The following ELOVL6 variants were observed in gnomAD, a reference collection of about 807,000 sequenced individuals.
The protein encoded by ELOVL6 is very long chain fatty acid elongase 6.
In ELOVL6, 8 loss-of-function variants were observed where a neutral mutation model predicts 31.7. That is an observed-to-expected ratio of 0.25 (90% CI 0.15 to 0.45). ELOVL6 has a LOEUF of 0.45. Among genes scored for constraint, ELOVL6 ranks in the 20% least tolerant of loss-of-function variants. ELOVL6 has a pLI of 1.00. For missense variants in ELOVL6, 126 were observed against 326.4 expected, an observed-to-expected ratio of 0.39 and a Z score of 4.73; for synonymous variants, 101 against 117.7, an observed-to-expected ratio of 0.86 and a Z score of 0.92.
chr4:110,105,686 T>G lies in ELOVL6; in HGVS notation c.90-58A>C, dbSNP rs1578484194. 7.3e-6 allele frequency: 11 copies of G among 1,511,210 alleles called. No individual in the cohort carries two copies. The East Asian group carries it at 2.3e-4, about 32-fold the overall frequency. The allele number at this position is 1,511,210 out of a possible 1,614,324, so 93.6% of individuals were successfully genotyped here. On this transcript the variant is annotated intron_variant, in intron 1 of 3. Transcript: ENST00000302274. ...TTTTAGTCATTAGGAAACACCAAAT[T>G]TTGTACCAGTTCTCCTCTTTGTAAG...
At chr4:110,147,050 A>C (rs533433043) in intron 1 of ELOVL6, 1 of 152,268 alleles carries the variant, frequency 6.6e-6, no homozygotes, top group South Asian at 2.1e-4. Context: ...TTCTCTGGTC[A>C]TTAAACATAT....
At chr4:110,094,446 A>ATATATATATATATATAT (rs1756520771) in intron 2 of ELOVL6, among the ~76,000 whole-genome samples, 1 of 13,600 alleles carries the variant, frequency 7.4e-5, no homozygotes, top group Non-Finnish European at 1.8e-4. Flanking sequence ...TATATATAAT[A>ATATATATATATATATAT]TATATAACAT....
rs201067079 is a variant in ELOVL6, at chr4:110,065,878, A to T, written c.222-6124T>A. Among the ~76,000 whole-genome samples, 138 of 152,246 alleles carry T rather than the reference A, an allele frequency of 9.1e-4. 4 individuals are homozygous for T. In the South Asian group the frequency reaches 0.012, roughly 14 times the overall value. On this transcript the variant is annotated intron_variant, in intron 2 of 3. Transcript: ENST00000302274. ...ACATCAATAGTTGATTTAAAAAAAA[A>T]TTTTTACATTGTTCCCTTATTGATC...
intron 2 of ELOVL6, among the ~76,000 whole-genome samples, chr4:110,099,928 A>G (rs190886302): frequency 5.3e-4 from 81 of 152,372 alleles, no homozygotes; most frequent in African/African-American, 1.8e-3. Context: ...TGGATAACTT[A>G]GCCAAATCTA....
intron 1 of ELOVL6, among the ~76,000 whole-genome samples, chr4:110,143,195 G>C (rs1057493720): frequency 6.6e-6 from 1 of 151,670 alleles, no homozygotes; most frequent in Non-Finnish European, 1.5e-5. Context: ...GACGTTGCTA[G>C]TAGTGGCATA....
At chr4:110,143,870 A>C (rs1394710554) in intron 1 of ELOVL6, among the ~76,000 whole-genome samples, 1 of 152,068 alleles carries the variant, frequency 6.6e-6, no homozygotes, top group African/African-American at 2.4e-5. Flanking sequence ...AGCCTGACCA[A>C]CATAGAGAAA....
At chr4:110,084,360 C>A (rs1420707065) in intron 2 of ELOVL6, among the ~76,000 whole-genome samples, 1 of 80,252 alleles carries the variant, frequency 1.2e-5, no homozygotes, top group Admixed American at 1.5e-4. Flanking sequence ...TGATATATAC[C>A]GCATATATGA....
At chr4:110,191,497 T>A (rs556717087) in intron 1 of ELOVL6, among the ~76,000 whole-genome samples, 2 of 152,298 alleles carry the variant, frequency 1.3e-5, no homozygotes, top group Admixed American at 6.5e-5. Flanking sequence ...TGATGTCTGG[T>A]TCCTATTAAT....
chr4:110,054,694 T>C (rs1353620074), intron 3 of ELOVL6, among the ~76,000 whole-genome samples: 1 of 152,134 alleles, frequency 6.6e-6, no homozygotes, highest in East Asian at 1.9e-4. Context: ...AGAAAAACCA[T>C]ATTAGAATGG....
At chr4:110,082,842 C>T (rs1302985043) in intron 2 of ELOVL6, among the ~76,000 whole-genome samples, 1 of 152,204 alleles carries the variant, frequency 6.6e-6, no homozygotes, top group Non-Finnish European at 1.5e-5. Flanking sequence ...TATGATAGGC[C>T]ATGTGTGTTT....
At chr4:110,193,550 G>A (rs1444953940) in intron 1 of ELOVL6, among the ~76,000 whole-genome samples, 5 of 152,126 alleles carry the variant, frequency 3.3e-5, no homozygotes, top group African/African-American at 1.2e-4. Context: ...GTTGCAGTGA[G>A]CCAAGATTGT....
intron 1 of ELOVL6, among the ~76,000 whole-genome samples, chr4:110,185,043 G>A (rs1474052297): frequency 6.6e-6 from 1 of 152,120 alleles, no homozygotes; most frequent in Non-Finnish European, 1.5e-5. Context: ...TTCAATACCT[G>A]GGTAAGGATC....
Position 110,198,310 on chromosome 4 carries a change from T to C in ELOVL6, c.26A>G (p.Gln9Arg). Residue 9 changes from glutamine (Q) to arginine (R), a missense_variant, in exon 1 of 4, where the codon CAA becomes CGA. By Grantham distance (43) the Gln-to-Arg change is conservative (BLOSUM62 1). Around this residue, in one of 3 missense-constraint regions of ELOVL6, gnomAD observed 16 missense variants for 22.8 expected, o/e 0.70. Transcript: ENST00000302274. ...GAACTGCTTTTCGAATTCATATTCT[T>C]GTAAAGTCAACACTGACATGTTCAT... MNMSVLTL[Q>R]EYEFEKQFNE... The C allele has an allele frequency of 6.2e-7, 1 of 1,611,108 alleles. No individual in the cohort carries two copies. The highest frequency in any genetic ancestry group is 8.5e-7 in the Non-Finnish European group (1 of 1,177,286).
At chr4:110,078,414 AAG>A (rs916357169) in intron 2 of ELOVL6, among the ~76,000 whole-genome samples, 1 of 152,308 alleles carries the variant, frequency 6.6e-6, no homozygotes, top group African/African-American at 2.4e-5. Context: ...TACAAGCCAG[AAG>A]AGAGTGGGGG....
At chr4:110,084,065 A>AGATATGC (rs1756021670) in intron 2 of ELOVL6, among the ~76,000 whole-genome samples, 1 of 37,612 alleles carries the variant, frequency 2.7e-5, no homozygotes, top group African/African-American at 1.4e-4. Flanking sequence ...ATGATATATA[A>AGATATGC]CATATATATG....
rs1447635957 is a variant in ELOVL6, at chr4:110,084,582, ATATATATTTTTTTTT to A, written c.221+20900_221+20914del. 1.2e-3 allele frequency among the ~76,000 whole-genome samples: 65 copies of A among 54,484 alleles called. No individual in the cohort carries two copies. The East Asian group carries it at 0.03, about 25-fold the overall frequency. The allele number at this position is 54,484 out of a possible 152,430, so 35.7% of individuals were successfully genotyped here. On this transcript the variant is annotated intron_variant, in intron 2 of 3. Transcript: ENST00000302274. ...CACACAGATATATATATATATATAT[ATATATATTTTTTTTT>A]TTTTTTTTTTTTTTTGAGATGGAGT...
rs369621024 is a variant in ELOVL6 at position 110,189,614 on chromosome 4, AGAG to A, written c.89+8630_89+8632del. 7.0e-3 allele frequency among the ~76,000 whole-genome samples: 802 copies of A among 115,120 alleles called. 16 individuals are homozygous for A. The highest frequency in any genetic ancestry group is 9.0e-3 in the Non-Finnish European group (520 of 57,956). The allele number at this position is 115,120 out of a possible 152,430, so 75.5% of individuals were successfully genotyped here. On this transcript the variant is annotated intron_variant, in intron 1 of 3. Coordinates refer to ENST00000302274, the MANE Select transcript of ELOVL6 (RefSeq NM_024090.3). ...TCTCAAAAAAAAAAAAAAAAAAAAAAGAGAGAGAGAGAGAGAAAAGAAGAAAAT... is the reference window on the plus strand; with the variant it reads ...TCTCAAAAAAAAAAAAAAAAAAAAAAAGAGAGAGAGAGAAAAGAAGAAAAT...
chr4:110,145,831 A>G (rs1172756921), intron 1 of ELOVL6, among the ~76,000 whole-genome samples: 1 of 152,212 alleles, frequency 6.6e-6, no homozygotes, highest in East Asian at 1.9e-4. Flanking sequence ...ATTTCCTTGC[A>G]TGGTTTGTTA....
At position 110,169,083 on chromosome 4, in the gene ELOVL6, T is replaced by G. The variant is rs1337730108; in HGVS notation, c.89+29164A>C. ...CTCAAGCAATTCTCCCATCTCAGCCTCCCAAGTTGCTGGGACTGCAGGTGT... is the reference window on the plus strand; with the variant it reads ...CTCAAGCAATTCTCCCATCTCAGCCGCCCAAGTTGCTGGGACTGCAGGTGT... On this transcript the variant is annotated intron_variant, in intron 1 of 3. Coordinates refer to ENST00000302274, the MANE Select transcript of ELOVL6 (RefSeq NM_024090.3). Among the ~76,000 whole-genome samples, 3 of 152,180 alleles carry G rather than the reference T, an allele frequency of 2.0e-5. No individual in the cohort carries two copies. In the East Asian group the frequency reaches 5.8e-4, roughly 29 times the overall value.
Sources: allele counts gnomAD v4.1 joint callset (sites outside exome capture counted in the v4.1 genomes callset), GRCh38; gene constraint gnomAD v4.1.1; regional missense constraint gnomAD v4.1.1; transcripts MANE v1.5; gene names NCBI Gene and HGNC (gene_info 2026-07-23, HGNC 2026-07-21).